The following CCNY variants were observed in gnomAD, a reference collection of about 807,000 sequenced individuals.
CCNY encodes the protein cyclin Y.
Under a neutral mutation model 42.8 loss-of-function variants are expected in CCNY, and 19 were observed. The observed-to-expected ratio is 0.44, with a 90% confidence interval of 0.31 to 0.65. CCNY has a LOEUF of 0.65. Among genes scored for constraint, CCNY ranks in the 30% least tolerant of loss-of-function variants. CCNY has a pLI of 0.07. For missense variants in CCNY, 370 were observed against 437.3 expected, an observed-to-expected ratio of 0.85 and a Z score of 1.37; for synonymous variants, 165 against 162.7, an observed-to-expected ratio of 1.01 and a Z score of -0.11.
chr10:35,279,202 G>A (rs991092046), intron 3 of CCNY, among the ~76,000 whole-genome samples: 32 of 142,684 alleles, frequency 2.2e-4, no homozygotes, highest in Middle Eastern at 3.8e-3. Flanking sequence ...TGCAACCTCC[G>A]TCTCCCCAGT....
intron 1 of CCNY, among the ~76,000 whole-genome samples, chr10:35,461,917 G>T (rs1589136146): frequency 6.6e-6 from 1 of 152,072 alleles, no homozygotes; most frequent in South Asian, 2.1e-4. Context: ...TCTCTCTGTG[G>T]ATTTTCTGTT....
At chr10:35,331,944 G>T (rs1220591015), upstream of CCNY, among the ~76,000 whole-genome samples, 1 of 152,154 alleles carries the variant, frequency 6.6e-6, no homozygotes, top group East Asian at 1.9e-4. Flanking sequence ...CTCCAGAATG[G>T]AAACTATAAT....
chr10:35,375,230 T>A (rs1837025649), intron 1 of CCNY, among the ~76,000 whole-genome samples: 1 of 152,218 alleles, frequency 6.6e-6, no homozygotes, highest in African/African-American at 2.4e-5. Context: ...AGGCTTTCAG[T>A]AGGCTGTGTT....
At chr10:35,313,201 C>T (rs1412971957) in intron 3 of CCNY, among the ~76,000 whole-genome samples, 8 of 152,146 alleles carry the variant, frequency 5.3e-5, no homozygotes, top group Admixed American at 2.0e-4. Context: ...AACTGGAAAC[C>T]GCCAAAGGCC....
intron 3 of CCNY, among the ~76,000 whole-genome samples, chr10:35,323,540 T>C (rs1449731814): frequency 6.6e-6 from 1 of 152,152 alleles, no homozygotes; most frequent in Non-Finnish European, 1.5e-5. Flanking sequence ...CAAGAGTCTA[T>C]ACATTTTATA....
chr10:35,468,220 T>C (rs1839309648), intron 1 of CCNY, among the ~76,000 whole-genome samples: 2 of 152,178 alleles, frequency 1.3e-5, no homozygotes, highest in Admixed American at 1.3e-4. Flanking sequence ...GCAAGGAAAC[T>C]CTCTGGGGCC....
chr10:35,284,895 GTTT>G (rs1435620962), intron 3 of CCNY, among the ~76,000 whole-genome samples: 1 of 152,034 alleles, frequency 6.6e-6, no homozygotes, highest in Non-Finnish European at 1.5e-5. Context: ...GAAGTGTGTT[GTTT>G]AATTTCTAAG....
chr10:35,516,661 C>CTTCCT (rs1166900318), intron 4 of CCNY, 38 bp downstream of exon 4: 25 of 327,592 alleles, frequency 7.6e-5, no homozygotes, highest in South Asian at 5.7e-4. Flanking sequence ...TCCTTCCTTC[C>CTTCCT]TTTTTTTTTT....
At chr10:35,514,925 T>C (rs890669759) in intron 3 of CCNY, among the ~76,000 whole-genome samples, 4 of 152,248 alleles carry the variant, frequency 2.6e-5, no homozygotes, top group Non-Finnish European at 5.9e-5. Flanking sequence ...TTTTAGTTTA[T>C]CACCTATGGT....
chr10:35,339,736 A>G (rs916556256), intron 1 of CCNY, among the ~76,000 whole-genome samples: 2 of 152,206 alleles, frequency 1.3e-5, no homozygotes, highest in African/African-American at 4.8e-5. Flanking sequence ...CACCAGGCAC[A>G]TGAAGGGGTA....
At chr10:35,423,067 C>G (rs1838192436) in intron 1 of CCNY, among the ~76,000 whole-genome samples, 1 of 152,204 alleles carries the variant, frequency 6.6e-6, no homozygotes, top group African/African-American at 2.4e-5. Context: ...GAACTCTCCA[C>G]CTCCCCAGTC....
intron 3 of CCNY, among the ~76,000 whole-genome samples, chr10:35,504,682 G>A (rs1441604539): frequency 1.3e-5 from 2 of 152,124 alleles, no homozygotes; most frequent in Admixed American, 1.3e-4. Flanking sequence ...TGTCACCCAG[G>A]CTGGAGGGCA....
intron 8 of CCNY, among the ~76,000 whole-genome samples, chr10:35,555,093 A>C (rs910293134): frequency 6.6e-6 from 1 of 152,212 alleles, no homozygotes; most frequent in Non-Finnish European, 1.5e-5. Flanking sequence ...ATGTCAGTTG[A>C]ATCCTCTCAG....
rs377251632 is a variant in CCNY, at chr10:35,406,758, C to T, written c.154+69551C>T. Among the ~76,000 whole-genome samples the T allele has an allele frequency of 5.0e-4, 76 of 152,282 alleles. 1 individual carries two copies. The East Asian group carries it at 9.8e-3, about 20-fold the overall frequency. On this transcript the variant is annotated intron_variant, in intron 1 of 9. Coordinates refer to ENST00000374704, the MANE Select transcript of CCNY (RefSeq NM_145012.6). The stretch of plus-strand genomic sequence containing the variant: ...TGAGCTGTTGGGCGCACCTCCCAGA[C>T]GGGGTGGTGGCCGGGCAGAGGGGCT...
intron 5 of CCNY, among the ~76,000 whole-genome samples, chr10:35,527,409 C>A (rs1471143631): frequency 6.6e-6 from 1 of 152,070 alleles, no homozygotes; most frequent in Non-Finnish European, 1.5e-5. Context: ...TATGATGGAT[C>A]CTGAAGTGAA....
At chr10:35,544,727 G>A (rs912233921) in intron 7 of CCNY, among the ~76,000 whole-genome samples, 1 of 152,186 alleles carries the variant, frequency 6.6e-6, no homozygotes, top group Non-Finnish European at 1.5e-5. Context: ...CACCTTGTGT[G>A]CATAGTGAGC....
chr10:35,265,535 CAGT>C (rs1288437466), intron 3 of CCNY, among the ~76,000 whole-genome samples: 2 of 152,220 alleles, frequency 1.3e-5, no homozygotes, highest in African/African-American at 4.8e-5. Context: ...CTCTTGCCTG[CAGT>C]GAGCCCTGTG....
At chr10:35,338,377 AAC>A (rs1244908060) in intron 1 of CCNY, among the ~76,000 whole-genome samples, 4 of 152,258 alleles carry the variant, frequency 2.6e-5, no homozygotes, top group Non-Finnish European at 4.4e-5. Flanking sequence ...TAAAGGGAGT[AAC>A]ACAACGTCTG....
intron 1 of CCNY, among the ~76,000 whole-genome samples, chr10:35,434,913 G>C (rs912043001): frequency 1.3e-5 from 2 of 152,042 alleles, no homozygotes; most frequent in Non-Finnish European, 2.9e-5. Flanking sequence ...TCTACTTAAT[G>C]TATCTCCTGC....
Sources: gnomAD v4.1 joint callset for allele counts (sites outside exome capture counted in the v4.1 genomes callset) on GRCh38, gnomAD v4.1.1 for gene constraint, MANE v1.5 for transcripts, NCBI Gene and HGNC (gene_info 2026-07-23, HGNC 2026-07-21) for gene names.